The following PDXDC1 variants were observed in gnomAD, a reference collection of about 807,000 sequenced individuals.
PDXDC1 encodes the protein pyridoxal dependent decarboxylase domain containing 1.
Under a neutral mutation model 100.1 loss-of-function variants are expected in PDXDC1, and 42 were observed. That is an observed-to-expected ratio of 0.42 (90% CI 0.33 to 0.54). The LOEUF (loss-of-function observed/expected upper bound fraction) is 0.54. PDXDC1 is among the 20% of genes least tolerant of loss of function. The probability of loss-of-function intolerance (pLI) is 0.10; values close to 1 mark genes in which losing one functional copy is unlikely to be tolerated. For missense variants in PDXDC1, 636 were observed against 979.2 expected, an observed-to-expected ratio of 0.65 and a Z score of 4.68; for synonymous variants, 260 against 371.7, an observed-to-expected ratio of 0.70 and a Z score of 3.46.
rs367619969 is a variant in PDXDC1, at chr16:15,110,457, G to A, written c.1400-28422G>A. On this transcript the variant is annotated intron_variant, in intron 16 of 16. Coordinates refer to the PDXDC1 transcript ENST00000535621. ...CTCTTTCCATTGATTTTGTCATGAC[G>A]GTTGACTTTTGTTGTCACCTTCATC... 134 of 1,586,596 alleles carry A rather than the reference G, an allele frequency of 8.4e-5. 2 individuals are homozygous for A. In the East Asian group the frequency reaches 1.8e-3, roughly 21 times the overall value.
downstream of PDXDC1, among the ~76,000 whole-genome samples, chr16:15,140,848 G>A (rs1174497955): frequency 2.6e-5 from 4 of 152,092 alleles, no homozygotes; most frequent in Admixed American, 6.5e-5. Context: ...GGCTCCGCAG[G>A]TCTGCACACC....
chr16:15,061,758 G>T lies in PDXDC1; in HGVS notation c.1399+31702G>T, dbSNP rs1455382747. ...AATTTCTGCCGTCAGAGGGGACTGG[G>T]TTGCATGTACAACACGGGTGGGGAG... On this transcript the variant is annotated intron_variant, in intron 16 of 16. Coordinates refer to the PDXDC1 transcript ENST00000535621. 1 of 1,613,000 alleles carries T rather than the reference G, an allele frequency of 6.2e-7. No individual in the cohort carries two copies. Among genetic ancestry groups the T allele is most frequent in the African/African-American group, 1.3e-5 (1 of 75,056 alleles).
chr16:15,094,192 C>T (rs748931321), intron 16 of PDXDC1: 18 of 1,600,494 alleles, frequency 1.1e-5, no homozygotes, highest in South Asian at 5.6e-5. Context: ...ACGAAGCGGC[C>T]GCATCTCCCG....
chr16:15,090,646 T>C (rs979373446), intron 16 of PDXDC1, among the ~76,000 whole-genome samples: 1 of 152,176 alleles, frequency 6.6e-6, no homozygotes, highest in Non-Finnish European at 1.5e-5. Context: ...TTTCTTGGTT[T>C]CACACAGTGG....
chr16:15,021,299 C>T (rs2151537819), intron 12 of PDXDC1, among the ~76,000 whole-genome samples: 1 of 152,358 alleles, frequency 6.6e-6, no homozygotes, highest in South Asian at 2.1e-4. Flanking sequence ...ATCACTTGAG[C>T]CCAGGAGGTC....
At chr16:15,038,935 T>C (rs1256891446), downstream of PDXDC1, among the ~76,000 whole-genome samples, 1 of 152,162 alleles carries the variant, frequency 6.6e-6, no homozygotes, top group Non-Finnish European at 1.5e-5. Flanking sequence ...TTTTTCCCAT[T>C]TGGGGTGAAA....
the PDXDC1 span, among the ~76,000 whole-genome samples, chr16:15,147,422 T>C: frequency 1.3e-5 from 2 of 151,936 alleles, no homozygotes; most frequent in Non-Finnish European, 2.9e-5. Flanking sequence ...AGACCAGGAG[T>C]GGCTGCAACC....
At chr16:15,125,901 G>C (rs188941978) in intron 16 of PDXDC1, 1 of 691,372 alleles carries the variant, frequency 1.4e-6, no homozygotes, top group Non-Finnish European at 2.6e-6. Flanking sequence ...GACAGAGCCC[G>C]GTGCCATCTG....
At chr16:15,077,270 C>T (rs528363741) in intron 16 of PDXDC1, among the ~76,000 whole-genome samples, 7 of 152,232 alleles carry the variant, frequency 4.6e-5, no homozygotes, top group East Asian at 1.9e-4. Context: ...TGAGCCACCG[C>T]GCCTGGCCCC....
At chr16:15,097,468 C>CAAA (rs71152407) in intron 16 of PDXDC1, among the ~76,000 whole-genome samples, 795 of 65,798 alleles carry the variant, frequency 0.012, 20 homozygotes, top group East Asian at 0.015. Flanking sequence ...ACTAAAAATA[C>CAAA]AAAAAAAAAA....
At chr16:15,083,000 T>C (rs1474914628) in intron 16 of PDXDC1, among the ~76,000 whole-genome samples, 2 of 152,168 alleles carry the variant, frequency 1.3e-5, no homozygotes, top group Non-Finnish European at 2.9e-5. Context: ...CACATAGTAA[T>C]AACAGAAAAA....
chr16:15,056,031 G>T (rs1001284590), intron 16 of PDXDC1: 5 of 837,110 alleles, frequency 6.0e-6, no homozygotes, highest in African/African-American at 5.4e-5. Context: ...TTGCAGCCCC[G>T]GGCCGCCCGC....
chr16:15,035,588 G>GGGGAAACCT, intron 22 of PDXDC1, 35 bp downstream of exon 22: 3 of 1,330,168 alleles, frequency 2.3e-6, no homozygotes, highest in Non-Finnish European at 3.2e-6. Flanking sequence ...TCAGGTAACA[G>GGGGAAACCT]GTTTCCCCTG....
At chr16:15,008,961 T>C in intron 7 of PDXDC1, 114 bp downstream of exon 7, 1 of 1,040,298 alleles carries the variant, frequency 9.6e-7, no homozygotes, top group South Asian at 1.4e-5. Context: ...CATGTATTGC[T>C]TGGATCCTTA....
At chr16:15,010,443 A>G (rs948439918) in intron 8 of PDXDC1, 10 of 154,764 alleles carry the variant, frequency 6.5e-5, no homozygotes, top group African/African-American at 2.2e-4. Context: ...TAAGCTCAGA[A>G]GTTCAATACC....
intron 16 of PDXDC1, chr16:15,094,233 T>C (rs756923540): frequency 6.9e-6 from 11 of 1,584,488 alleles, no homozygotes; most frequent in South Asian, 1.2e-5. Context: ...GGTGCCGCCA[T>C]TGGGCCGAAC....
intron 16 of PDXDC1, chr16:15,133,173 A>C (rs529217844): frequency 8.6e-6 from 8 of 934,730 alleles, no homozygotes; most frequent in Middle Eastern, 3.2e-4. Context: ...GGCCCGGGAT[A>C]AGCCCTCCGC....
At chr16:15,102,302 A>G (rs986894881) in intron 16 of PDXDC1, among the ~76,000 whole-genome samples, 4 of 151,922 alleles carry the variant, frequency 2.6e-5, no homozygotes, top group Non-Finnish European at 4.4e-5. Context: ...TCTGAGGAGG[A>G]TTTCATTATA....
intron 1 of PDXDC1, among the ~76,000 whole-genome samples, chr16:14,980,371 A>ATGCGACCTCTGCCCCAC (rs1967679315): frequency 6.6e-6 from 1 of 152,228 alleles, no homozygotes; most frequent in African/African-American, 2.4e-5. Context: ...TCTCAGCTCT[A>ATGCGACCTCTGCCCCAC]TGCGACCTCT....
Sources: gnomAD v4.1 joint callset for allele counts (sites outside exome capture counted in the v4.1 genomes callset) on GRCh38, gnomAD v4.1.1 for gene constraint, MANE v1.5 for transcripts, NCBI Gene and HGNC (gene_info 2026-07-23, HGNC 2026-07-21) for gene names.